Variants in SUPT3H observed in about 807,000 individuals in gnomAD.
SUPT3H encodes the protein transcription initiation protein SPT3 homolog.
A neutral mutation model predicts 44.3 loss-of-function variants in SUPT3H; 44 were observed. The ratio of observed to expected loss-of-function variants is 0.99; its 90% CI spans 0.78 to 1.28. SUPT3H has a LOEUF of 1.28. SUPT3H is among the 50% of genes most tolerant of loss of function. SUPT3H has a pLI of 0.00. For missense variants in SUPT3H, 380 were observed against 387.1 expected (o/e 0.98, Z 0.15); for synonymous variants, 124 against 125.6 (o/e 0.99, Z 0.09).
intron 10 of SUPT3H, among the ~76,000 whole-genome samples, chr6:44,835,337 C>T (rs1769636217): frequency 6.6e-6 from 1 of 152,150 alleles, no homozygotes; most frequent in African/African-American, 2.4e-5. Context: ...TCCTAATTAA[C>T]TAAGTATAGA....
chr6:45,144,524 T>C (rs1805722897), intron 2 of SUPT3H, among the ~76,000 whole-genome samples: 1 of 152,076 alleles, frequency 6.6e-6, no homozygotes, highest in African/African-American at 2.4e-5. Flanking sequence ...AAAACCCATC[T>C]ATGACAAATG....
intron 2 of SUPT3H, among the ~76,000 whole-genome samples, chr6:45,163,173 G>A (rs1327789203): frequency 6.6e-6 from 1 of 152,052 alleles, no homozygotes; most frequent in Non-Finnish European, 1.5e-5. Context: ...GCAGATAACT[G>A]GAAACAACTT....
intron 5 of SUPT3H, among the ~76,000 whole-genome samples, chr6:45,013,988 G>A (rs994658234): frequency 3.3e-5 from 5 of 151,930 alleles, no homozygotes; most frequent in Non-Finnish European, 7.4e-5. Context: ...ACGTGCTTAG[G>A]ACAATTTCTA....
intron 6 of SUPT3H, among the ~76,000 whole-genome samples, chr6:44,986,741 C>A (rs1779848287): frequency 6.6e-6 from 1 of 152,014 alleles, no homozygotes; most frequent in Admixed American, 6.6e-5. Flanking sequence ...TGAGCATCTA[C>A]TATTATTACA....
intron 3 of SUPT3H, among the ~76,000 whole-genome samples, chr6:45,039,871 A>G (rs951292798): frequency 6.6e-6 from 1 of 152,206 alleles, no homozygotes; most frequent in Non-Finnish European, 1.5e-5. Context: ...TGCTAGATAA[A>G]TAGGGTTTAT....
intron 2 of SUPT3H, among the ~76,000 whole-genome samples, chr6:45,207,524 T>C (rs956250276): frequency 2.0e-5 from 3 of 152,196 alleles, no homozygotes; most frequent in African/African-American, 7.2e-5. Context: ...TTGTGTTTGT[T>C]GTTTAAGATG....
At chr6:45,326,936 T>A (rs981236532) in intron 2 of SUPT3H, among the ~76,000 whole-genome samples, 1 of 151,846 alleles carries the variant, frequency 6.6e-6, no homozygotes, top group African/African-American at 2.4e-5. Flanking sequence ...AGATTTAGAG[T>A]GGCATGGATA....
At chr6:45,356,240 G>A (rs529122188) in intron 2 of SUPT3H, among the ~76,000 whole-genome samples, 29 of 151,064 alleles carry the variant, frequency 1.9e-4, no homozygotes, top group African/African-American at 6.3e-4. Context: ...AATCTACATA[G>A]GTGTCCAAAA....
intron 6 of SUPT3H, among the ~76,000 whole-genome samples, chr6:44,977,818 A>T (rs1778548660): frequency 6.6e-6 from 1 of 152,220 alleles, no homozygotes; most frequent in South Asian, 2.1e-4. Flanking sequence ...AGAGATGTAT[A>T]AAATTTGCAA....
At chr6:45,034,860 T>C (rs1357664783) in intron 3 of SUPT3H, among the ~76,000 whole-genome samples, 1 of 152,148 alleles carries the variant, frequency 6.6e-6, no homozygotes, top group Non-Finnish European at 1.5e-5. Context: ...GTGACAAAAA[T>C]GGGATTTGAA....
intron 9 of SUPT3H, among the ~76,000 whole-genome samples, chr6:44,946,863 G>A (rs568264005): frequency 6.6e-6 from 1 of 152,270 alleles, no homozygotes; most frequent in South Asian, 2.1e-4. Context: ...ATGGGTAAAT[G>A]CTATCAAACA....
chr6:45,264,982 A>T (rs1775019111), intron 2 of SUPT3H, among the ~76,000 whole-genome samples: 1 of 152,180 alleles, frequency 6.6e-6, no homozygotes, highest in African/African-American at 2.4e-5. Flanking sequence ...CTTTAATGAG[A>T]TTAATTTGAA....
chr6:45,143,764 T>G (rs1261995200), intron 2 of SUPT3H, among the ~76,000 whole-genome samples: 3 of 152,078 alleles, frequency 2.0e-5, no homozygotes, highest in African/African-American at 7.2e-5. Flanking sequence ...TAAAGCTGGT[T>G]CTTTGAAAAG....
At chr6:44,853,169 A>G (rs1313338932) in intron 10 of SUPT3H, among the ~76,000 whole-genome samples, 1 of 152,214 alleles carries the variant, frequency 6.6e-6, no homozygotes, top group Non-Finnish European at 1.5e-5. Flanking sequence ...TTTAGTCCTT[A>G]TAACAATGCT....
intron 3 of SUPT3H, among the ~76,000 whole-genome samples, chr6:45,024,619 C>T (rs542504344): frequency 4.5e-4 from 69 of 152,116 alleles, no homozygotes; most frequent in Non-Finnish European, 8.2e-4. Flanking sequence ...AATTTTGGTT[C>T]TTTTTACCTT....
chr6:45,189,135 AT>A (rs1309240247), intron 2 of SUPT3H, among the ~76,000 whole-genome samples: 1 of 152,188 alleles, frequency 6.6e-6, no homozygotes, highest in Non-Finnish European at 1.5e-5. Context: ...CTTAAAAAAA[AT>A]AAAATAAAAT....
chr6:45,331,126 T>TGGGC, intron 2 of SUPT3H, among the ~76,000 whole-genome samples: 1 of 132,916 alleles, frequency 7.5e-6, no homozygotes, highest in South Asian at 2.2e-4. Flanking sequence ...TGTGTGTGTG[T>TGGGC]GCGCGCGCGC....
intron 2 of SUPT3H, among the ~76,000 whole-genome samples, chr6:45,162,554 T>C (rs1463015420): frequency 7.2e-5 from 11 of 151,982 alleles, no homozygotes. Context: ...TATATACAAA[T>C]TAAAGATAAT....
intron 2 of SUPT3H, among the ~76,000 whole-genome samples, chr6:45,170,208 G>A (rs1447810980): frequency 3.9e-5 from 6 of 152,104 alleles, no homozygotes; most frequent in South Asian, 2.1e-4. Flanking sequence ...TGTTATTATC[G>A]TTCCTAGGGC....
Sources: gnomAD v4.1 joint callset for allele counts (sites outside exome capture counted in the v4.1 genomes callset) on GRCh38, gnomAD v4.1.1 for gene constraint, MANE v1.5 for transcripts, NCBI Gene and HGNC (gene_info 2026-07-23, HGNC 2026-07-21) for gene names.